The following DENND5B variants were observed in gnomAD, a reference collection of about 807,000 sequenced individuals.
DENND5B encodes the protein DENN domain containing 5B, also known as DENN domain-containing protein 5B.
DENND5B carries 34 observed loss-of-function variants against 140.6 expected under a neutral mutation model. The observed-to-expected ratio is 0.24, with a 90% CI of 0.18 to 0.32. The LOEUF is 0.32. Ranked by LOEUF, DENND5B falls within the 10% of genes least tolerant of loss-of-function variation. DENND5B has a pLI of 1.00. For missense variants in DENND5B, 1,142 were observed against 1,560.2 expected (o/e 0.73, Z 4.52); for synonymous variants, 551 against 562.1 (o/e 0.98, Z 0.28).
intron 4 of DENND5B, among the ~76,000 whole-genome samples, chr12:31,459,782 C>T (rs183706808): frequency 6.6e-6 from 1 of 152,172 alleles, no homozygotes; most frequent in East Asian, 1.9e-4. Flanking sequence ...TTTGCTGCAA[C>T]ATGTTACTTT....
intron 1 of DENND5B, among the ~76,000 whole-genome samples, chr12:31,553,029 A>AT (rs1949132663): frequency 2.0e-5 from 3 of 152,034 alleles, no homozygotes; most frequent in East Asian, 1.9e-4. Context: ...GGATTCATTA[A>AT]TTTTTTGAAG....
chr12:31,404,570 C>T (rs7309509), intron 14 of DENND5B, among the ~76,000 whole-genome samples: 1 of 152,046 alleles, frequency 6.6e-6, no homozygotes, highest in Non-Finnish European at 1.5e-5. Context: ...TCTCCAGCCT[C>T]GGCCTCCCAA....
At position 31,383,995 on chromosome 12, in the gene DENND5B, C is replaced by CT. The variant is rs1248932144; in HGVS notation, c.*3607dup. 2 of 152,016 alleles carry CT rather than the reference C, an allele frequency of 1.3e-5. No individual in the cohort carries two copies. Among genetic ancestry groups the CT allele is most frequent in the African/African-American group, 4.8e-5 (2 of 41,398 alleles). The allele number at this position is 152,016 out of a possible 1,614,324, so 9.4% of individuals were successfully genotyped here. A position where few individuals can be genotyped will look rare whatever the true frequency, so the allele number is the denominator to read the frequency against. On this transcript the variant is annotated 3_prime_UTR_variant, in exon 21 of 21. Coordinates refer to ENST00000389082, the MANE Select transcript of DENND5B (RefSeq NM_144973.4). The stretch of plus-strand genomic sequence containing the variant: ...AATTAAATATTGATTTTTTTATTTA[C>CT]TTTGAGATGTAATCCTAAAGCAATG...
chr12:31,400,262 A>G (rs1055138454), intron 15 of DENND5B, among the ~76,000 whole-genome samples: 4 of 152,168 alleles, frequency 2.6e-5, no homozygotes, highest in African/African-American at 9.6e-5. Context: ...CAGTAGGTAT[A>G]TATATTTATA....
chr12:31,460,123 G>A (rs1944947951), intron 4 of DENND5B, 71 bp downstream of exon 4: 4 of 1,418,090 alleles, frequency 2.8e-6, no homozygotes, highest in Non-Finnish European at 3.8e-6. Context: ...CAAAGACAAT[G>A]CAATCTAACG....
intron 1 of DENND5B, among the ~76,000 whole-genome samples, chr12:31,544,715 G>A (rs570782918): frequency 1.3e-5 from 2 of 152,012 alleles, no homozygotes; most frequent in Admixed American, 1.3e-4. Context: ...ACCAAAAGTG[G>A]AAAGGCAAGA....
chr12:31,464,889 T>C (rs1257962087), intron 3 of DENND5B, among the ~76,000 whole-genome samples: 3 of 152,180 alleles, frequency 2.0e-5, no homozygotes, highest in Admixed American at 1.3e-4. Context: ...AATCTCAGAA[T>C]TGTTAACATT....
chr12:31,493,373 T>C (rs1014180539), intron 2 of DENND5B, among the ~76,000 whole-genome samples: 23 of 152,336 alleles, frequency 1.5e-4, no homozygotes, highest in African/African-American at 5.5e-4. Flanking sequence ...CAGGTTATAA[T>C]GGAGTCTTTT....
chr12:31,391,308 C>T (rs1447376314), intron 19 of DENND5B, among the ~76,000 whole-genome samples: 1 of 152,170 alleles, frequency 6.6e-6, no homozygotes, highest in East Asian at 1.9e-4. Context: ...GGCTCACTTC[C>T]TCACCTACAT....
intron 1 of DENND5B, among the ~76,000 whole-genome samples, chr12:31,507,535 C>G (rs768174727): frequency 6.6e-6 from 1 of 152,054 alleles, no homozygotes; most frequent in Non-Finnish European, 1.5e-5. Context: ...GCAATGAATT[C>G]AAGATCTAGA....
At chr12:31,531,779 G>A (rs528395116) in intron 1 of DENND5B, among the ~76,000 whole-genome samples, 20 of 152,188 alleles carry the variant, frequency 1.3e-4, no homozygotes, top group Middle Eastern at 6.8e-3. Context: ...TCCTTGATCC[G>A]CCCAGCAGAA....
chr12:31,406,424 T>C (rs1179552692), intron 14 of DENND5B, among the ~76,000 whole-genome samples: 1 of 152,220 alleles, frequency 6.6e-6, no homozygotes, highest in Non-Finnish European at 1.5e-5. Context: ...CTTTGTGTCC[T>C]TTTATTTTGG....
chr12:31,536,496 T>C (rs1050932747), intron 1 of DENND5B, among the ~76,000 whole-genome samples: 3 of 151,890 alleles, frequency 2.0e-5, no homozygotes, highest in Non-Finnish European at 4.4e-5. Context: ...TTAGTGAGCC[T>C]GAAGACAGAC....
intron 1 of DENND5B, among the ~76,000 whole-genome samples, chr12:31,536,498 AAGAC>A (rs1948498508): frequency 6.6e-6 from 1 of 152,098 alleles, no homozygotes; most frequent in African/African-American, 2.4e-5. Context: ...AGTGAGCCTG[AAGAC>A]AGACTATTTG....
At chr12:31,542,613 T>C (rs949938186) in intron 1 of DENND5B, among the ~76,000 whole-genome samples, 1 of 152,186 alleles carries the variant, frequency 6.6e-6, no homozygotes, top group Non-Finnish European at 1.5e-5. Flanking sequence ...AAATATCTCA[T>C]GTAACCCATA....
At chr12:31,416,663 T>C (rs1942755253) in intron 11 of DENND5B, among the ~76,000 whole-genome samples, 1 of 152,022 alleles carries the variant, frequency 6.6e-6, no homozygotes, top group Non-Finnish European at 1.5e-5. Flanking sequence ...ATCTCTGGGC[T>C]CATGAACTGA....
At chr12:31,576,298 C>CA (rs1245594923) in intron 1 of DENND5B, among the ~76,000 whole-genome samples, 1 of 151,574 alleles carries the variant, frequency 6.6e-6, no homozygotes, top group African/African-American at 2.4e-5. Context: ...CTAAAAAATA[C>CA]AAAAATTAGC....
chr12:31,450,281 A>C (rs1300153133), intron 5 of DENND5B, among the ~76,000 whole-genome samples: 1 of 152,228 alleles, frequency 6.6e-6, no homozygotes, highest in Non-Finnish European at 1.5e-5. Flanking sequence ...ATGTGGGGAA[A>C]AACAAAGAAC....
intron 3 of DENND5B, among the ~76,000 whole-genome samples, chr12:31,476,650 T>C (rs775065738): frequency 5.3e-5 from 8 of 152,152 alleles, no homozygotes; most frequent in Admixed American, 1.3e-4. Flanking sequence ...CATGGTGGTA[T>C]GTGCCTGCAG....
Sources: allele counts gnomAD v4.1 joint callset (sites outside exome capture counted in the v4.1 genomes callset), GRCh38; gene constraint gnomAD v4.1.1; transcripts MANE v1.5; gene names NCBI Gene and HGNC (gene_info 2026-07-23, HGNC 2026-07-21).